The following AGBL1 variants were observed in gnomAD, a reference collection of about 807,000 sequenced individuals.
AGBL1 encodes the protein AGBL carboxypeptidase 1.
AGBL1 carries 130 observed loss-of-function variants against 118.9 expected under a neutral mutation model. The observed-to-expected ratio is 1.09, with a 90% CI of 0.95 to 1.26. The LOEUF (loss-of-function observed/expected upper bound fraction) is 1.26. Ranked by LOEUF, AGBL1 falls within the 50% of genes most tolerant of loss-of-function variation. AGBL1 has a pLI of 0.00. For missense variants in AGBL1, 1,584 were observed against 1,298.1 expected, an observed-to-expected ratio of 1.22 and a Z score of -3.38; for synonymous variants, 555 against 478.9, an observed-to-expected ratio of 1.16 and a Z score of -2.08.
chr15:86,670,630 C>CACACAA (rs1435021279), intron 21 of AGBL1, among the ~76,000 whole-genome samples: 1 of 68,122 alleles, frequency 1.5e-5, no homozygotes, highest in African/African-American at 5.1e-5. Flanking sequence ...CACACACAAA[C>CACACAA]ACGCTGTGTG....
rs75986686 is a variant in AGBL1, at chr15:86,815,278, T to C, written c.3159-91809T>C. 8.1e-3 allele frequency among the ~76,000 whole-genome samples: 1,228 copies of C among 152,202 alleles called. 17 individuals are homozygous for C. Among genetic ancestry groups the C allele is most frequent in the African/African-American group, 0.028 (1,168 of 41,526 alleles). ...AACTTTTACTCATTTAATTTTAAAA[T>C]TGGGGGATATTTAATGTAAATAGGT... On this transcript the variant is annotated intron_variant, in intron 22 of 22. Coordinates refer to ENST00000614907, the MANE Select transcript of AGBL1 (RefSeq NM_001386094.1).
At chr15:86,294,568 C>G (rs1025433589) in intron 16 of AGBL1, among the ~76,000 whole-genome samples, 2 of 151,816 alleles carry the variant, frequency 1.3e-5, no homozygotes, top group African/African-American at 4.8e-5. Flanking sequence ...TTAACCACGT[C>G]TATTATTTTT....
chr15:86,403,650 T>C lies in AGBL1; in HGVS notation c.2555+6104T>C, dbSNP rs2081480285. On this transcript the variant is annotated intron_variant, in intron 18 of 22. Coordinates refer to ENST00000614907, the MANE Select transcript of AGBL1 (RefSeq NM_001386094.1). The stretch of plus-strand genomic sequence containing the variant: ...CCTTTACATATATTGTCTTACTTAA[T>C]CATCACTATAGCCCAACAAATGTAG... Among the ~76,000 whole-genome samples, 3 of 152,176 alleles carry C rather than the reference T, an allele frequency of 2.0e-5. No homozygotes were observed. The South Asian group carries it at 6.2e-4, about 32-fold the overall frequency.
intron 4 of AGBL1, 117 bp downstream of exon 4, chr15:86,154,678 C>A: frequency 8.0e-7 from 1 of 1,248,600 alleles, no homozygotes; most frequent in Non-Finnish European, 1.1e-6. Flanking sequence ...ACATGGTGGT[C>A]CCAGCCAGAT....
chr15:86,337,835 A>G (rs1595985897), intron 17 of AGBL1, among the ~76,000 whole-genome samples: 3 of 152,234 alleles, frequency 2.0e-5, no homozygotes. Flanking sequence ...AAACCTGCAC[A>G]TCTTGCACAT....
chr15:86,854,522 T>G (rs2881583), intron 22 of AGBL1, among the ~76,000 whole-genome samples: 116,337 of 152,038 alleles, frequency 0.77, 44,468 homozygotes, highest in Non-Finnish European at 0.78. Flanking sequence ...TGTTCATCTA[T>G]GTCCCAAATA....
intron 22 of AGBL1, among the ~76,000 whole-genome samples, chr15:86,788,223 C>G (rs1024874729): frequency 1.2e-4 from 19 of 152,144 alleles, no homozygotes; most frequent in African/African-American, 4.6e-4. Context: ...TGCTTGTGAG[C>G]TTGAGCAGAC....
chr15:86,135,664 A>G (rs1323549507), intron 1 of AGBL1, among the ~76,000 whole-genome samples: 1 of 152,174 alleles, frequency 6.6e-6, no homozygotes, highest in East Asian at 1.9e-4. Context: ...GGATCAGGGG[A>G]GGGCAAGAGG....
intron 17 of AGBL1, among the ~76,000 whole-genome samples, chr15:86,317,666 G>A (rs572829543): frequency 1.3e-5 from 2 of 152,194 alleles, no homozygotes; most frequent in Non-Finnish European, 1.5e-5. Flanking sequence ...AGCAGGGATT[G>A]ACAAACTTTT....
intron 21 of AGBL1, among the ~76,000 whole-genome samples, chr15:86,637,207 TTGTGA>T (rs547990684): frequency 4.4e-4 from 67 of 152,086 alleles, no homozygotes; most frequent in African/African-American, 1.6e-3. Context: ...AACCTATAAA[TTGTGA>T]TGTGTTAAGA....
chr15:86,500,705 C>T (rs999527162), intron 18 of AGBL1, among the ~76,000 whole-genome samples: 18 of 151,688 alleles, frequency 1.2e-4, no homozygotes, highest in African/African-American at 3.4e-4. Context: ...CCCATGTCTA[C>T]GGATTTTTCT....
intron 21 of AGBL1, among the ~76,000 whole-genome samples, chr15:86,603,023 A>G (rs934086379): frequency 6.6e-6 from 1 of 152,158 alleles, no homozygotes; most frequent in Non-Finnish European, 1.5e-5. Context: ...CCCATGCCAA[A>G]TGGTTCAATT....
intron 18 of AGBL1, among the ~76,000 whole-genome samples, chr15:86,511,728 GTGA>G (rs2083054677): frequency 6.6e-6 from 1 of 151,956 alleles, no homozygotes; most frequent in Admixed American, 6.6e-5. Context: ...TATAATGGTG[GTGA>G]TGATGATGAT....
intron 5 of AGBL1, among the ~76,000 whole-genome samples, chr15:86,198,934 A>G (rs2141849883): frequency 6.6e-6 from 1 of 152,290 alleles, no homozygotes; most frequent in East Asian, 1.9e-4. Flanking sequence ...AAAGTAAAAC[A>G]GAAGTTTCTA....
At chr15:86,087,008 C>T (rs1232072526) in intron 1 of AGBL1, among the ~76,000 whole-genome samples, 1 of 152,100 alleles carries the variant, frequency 6.6e-6, no homozygotes, top group East Asian at 1.9e-4. Flanking sequence ...CTAGGGTGCA[C>T]CTATGTTCAG....
chr15:86,554,400 A>T lies in AGBL1; in HGVS notation c.2857A>T (p.Thr953Ser). The change falls in exon 21 of 23, where the codon ACA becomes TCA. Residue 953 changes from threonine to serine, a missense_variant. Coordinates refer to ENST00000614907, the MANE Select transcript of AGBL1 (RefSeq NM_001386094.1). ...CCTTGATAAGCTAGCACCAGCATTC[A>T]CAATGAGCAGCTGCAGCTTTCTCGT... ...KILDKLAPAFTMSSCSFLVEK... is the reference protein window; with the variant it reads ...KILDKLAPAFSMSSCSFLVEK... 1.3e-6 allele frequency: 2 copies of T among 1,587,930 alleles called. No homozygotes were observed. The highest frequency in any genetic ancestry group is 1.7e-6 in the Non-Finnish European group (2 of 1,167,056).
At chr15:86,242,870 G>C (rs2078661737) in intron 6 of AGBL1, among the ~76,000 whole-genome samples, 1 of 152,196 alleles carries the variant, frequency 6.6e-6, no homozygotes, top group Non-Finnish European at 1.5e-5. Flanking sequence ...CCTGTCATGT[G>C]GCCCCACATT....
At chr15:86,285,185 G>A (rs1219220517) in intron 16 of AGBL1, among the ~76,000 whole-genome samples, 1 of 152,106 alleles carries the variant, frequency 6.6e-6, no homozygotes, top group Non-Finnish European at 1.5e-5. Flanking sequence ...TTTACTTCTA[G>A]CAATCTTTTA....
intron 17 of AGBL1, among the ~76,000 whole-genome samples, chr15:86,337,663 A>C (rs1037378262): frequency 3.9e-5 from 6 of 152,150 alleles, no homozygotes; most frequent in African/African-American, 1.4e-4. Context: ...CAATGAGAGC[A>C]CATGGACACA....
Sources: gnomAD v4.1 joint callset for allele counts (sites outside exome capture counted in the v4.1 genomes callset) on GRCh38, gnomAD v4.1.1 for gene constraint, MANE v1.5 for transcripts, NCBI Gene and HGNC (gene_info 2026-07-23, HGNC 2026-07-21) for gene names.